CDH18: variants seen among roughly 807,000 people sequenced by gnomAD.
CDH18 encodes cadherin 18, also known as cadherin-18.
In CDH18, 31 loss-of-function variants were observed where a neutral mutation model predicts 67.9. The ratio of observed to expected loss-of-function variants is 0.46; its 90% CI spans 0.34 to 0.62. CDH18 has a LOEUF of 0.62. Ranked by LOEUF, CDH18 falls within the 20% of genes least tolerant of loss-of-function variation. The pLI is 0.01. For missense variants in CDH18, 890 were observed against 975.5 expected (o/e 0.91, Z 1.17); for synonymous variants, 362 against 347.2 (o/e 1.04, Z -0.48).
chr5:20,043,547 C>A (rs1207017333), intron 2 of CDH18, among the ~76,000 whole-genome samples: 1 of 152,184 alleles, frequency 6.6e-6, no homozygotes, highest in Non-Finnish European at 1.5e-5. Flanking sequence ...AACTATACAA[C>A]CTTTCATGGT....
rs565055001 is a variant in CDH18 at position 20,396,938 on chromosome 5, A to G, written c.-579-141433T>C. Among the ~76,000 whole-genome samples, 5 of 152,296 alleles carry G rather than the reference A, an allele frequency of 3.3e-5. No homozygotes were observed. In the East Asian group the frequency reaches 9.6e-4, roughly 29 times the overall value. ...ACTATCGGAATTAAAAAGTTATCCA[A>G]TATCTATGTGTGTGAGGTTGCCTAT... On this transcript the variant is annotated intron_variant, in intron 1 of 14. Coordinates refer to the CDH18 transcript ENST00000507958.
intron 1 of CDH18, among the ~76,000 whole-genome samples, chr5:20,550,738 A>G (rs1159044708): frequency 2.0e-5 from 3 of 152,168 alleles, no homozygotes; most frequent in Non-Finnish European, 2.9e-5. Context: ...TAGTCCATTT[A>G]GTGTTGCTAT....
chr5:20,394,309 A>G (rs1283518322), intron 1 of CDH18, among the ~76,000 whole-genome samples: 1 of 152,260 alleles, frequency 6.6e-6, no homozygotes, highest in East Asian at 1.9e-4. Flanking sequence ...TATACTGGGA[A>G]AAGGACACAC....
At chr5:19,600,605 A>G (rs576931201) in intron 6 of CDH18, among the ~76,000 whole-genome samples, 2 of 150,954 alleles carry the variant, frequency 1.3e-5, no homozygotes, top group African/African-American at 4.9e-5. Context: ...CTTTTTCTTG[A>G]AAAAAAGAAA....
At chr5:20,482,004 AC>A (rs1752840968) in intron 1 of CDH18, among the ~76,000 whole-genome samples, 1 of 151,984 alleles carries the variant, frequency 6.6e-6, no homozygotes, top group African/African-American at 2.4e-5. Flanking sequence ...GATCAATAAA[AC>A]AAAAATTTAT....
chr5:20,269,797 T>C (rs2126660087), intron 1 of CDH18, among the ~76,000 whole-genome samples: 1 of 152,208 alleles, frequency 6.6e-6, no homozygotes, highest in Non-Finnish European at 1.5e-5. Context: ...TGACAGATAC[T>C]CTAGAAGCCC....
intron 2 of CDH18, among the ~76,000 whole-genome samples, chr5:20,168,578 G>T (rs761305224): frequency 2.0e-5 from 3 of 152,086 alleles, no homozygotes; most frequent in Non-Finnish European, 4.4e-5. Flanking sequence ...AATATCCCAA[G>T]ATATAGGTTC....
At chr5:20,337,204 T>C (rs1212669522) in intron 1 of CDH18, among the ~76,000 whole-genome samples, 1 of 152,186 alleles carries the variant, frequency 6.6e-6, no homozygotes, top group African/African-American at 2.4e-5. Flanking sequence ...AGAGACATTT[T>C]CCCCCATTGT....
At chr5:19,901,707 T>G (rs1032270179) in intron 2 of CDH18, among the ~76,000 whole-genome samples, 5 of 152,020 alleles carry the variant, frequency 3.3e-5, no homozygotes, top group Admixed American at 3.3e-4. Context: ...ATGCAGATAT[T>G]TTTAAAATAA....
At chr5:20,002,743 T>A (rs765347110) in intron 2 of CDH18, among the ~76,000 whole-genome samples, 1 of 152,174 alleles carries the variant, frequency 6.6e-6, no homozygotes, top group Non-Finnish European at 1.5e-5. Flanking sequence ...GCTATTGAGA[T>A]TACCTACTTC....
intron 1 of CDH18, among the ~76,000 whole-genome samples, chr5:20,506,738 A>C (rs577931234): frequency 5.3e-4 from 80 of 152,344 alleles, no homozygotes; most frequent in African/African-American, 1.8e-3. Flanking sequence ...GTTACACAGC[A>C]ATGAATAACT....
intron 2 of CDH18, among the ~76,000 whole-genome samples, chr5:20,242,646 A>ATG (rs1743074834): frequency 7.2e-6 from 1 of 139,556 alleles, no homozygotes; most frequent in African/African-American, 2.8e-5. Flanking sequence ...ATATATATAT[A>ATG]TATATGTAAA....
intron 8 of CDH18, among the ~76,000 whole-genome samples, chr5:19,557,416 T>C (rs1738636121): frequency 6.6e-6 from 1 of 151,760 alleles, no homozygotes; most frequent in South Asian, 2.1e-4. Flanking sequence ...AGGACTAATA[T>C]ACTTAAAATA....
intron 1 of CDH18, among the ~76,000 whole-genome samples, chr5:20,353,415 A>T (rs1314131367): frequency 6.6e-6 from 1 of 152,244 alleles, no homozygotes; most frequent in Admixed American, 6.5e-5. Flanking sequence ...ATTAAAATAC[A>T]TTAATGAATT....
intron 1 of CDH18, among the ~76,000 whole-genome samples, chr5:20,465,425 G>C (rs1238857281): frequency 6.6e-6 from 1 of 151,914 alleles, no homozygotes; most frequent in African/African-American, 2.4e-5. Flanking sequence ...TAGTGATACA[G>C]AAAGTATTTT....
At chr5:20,133,296 C>A (rs1749424562) in intron 2 of CDH18, among the ~76,000 whole-genome samples, 1 of 152,042 alleles carries the variant, frequency 6.6e-6, no homozygotes, top group Non-Finnish European at 1.5e-5. Context: ...TGGCAGGAGG[C>A]AAAGGAAGAG....
chr5:19,630,483 T>C (rs1752267492), intron 5 of CDH18, among the ~76,000 whole-genome samples: 1 of 152,086 alleles, frequency 6.6e-6, no homozygotes, highest in Admixed American at 6.6e-5. Flanking sequence ...GGGGTGTGTG[T>C]GTGTGTGTGT....
chr5:19,895,218 T>G (rs1189339931), intron 2 of CDH18, among the ~76,000 whole-genome samples: 1 of 152,144 alleles, frequency 6.6e-6, no homozygotes, highest in Non-Finnish European at 1.5e-5. Flanking sequence ...AGAAGAAACT[T>G]GAGCTGAAAT....
At chr5:19,658,088 T>C (rs143803062) in intron 5 of CDH18, among the ~76,000 whole-genome samples, 155 of 151,562 alleles carry the variant, frequency 1.0e-3, no homozygotes, top group East Asian at 3.0e-3. Flanking sequence ...GATTTCTAAA[T>C]TAATATATGA....
Sources: allele counts gnomAD v4.1 joint callset (sites outside exome capture counted in the v4.1 genomes callset), GRCh38; gene constraint gnomAD v4.1.1; transcripts MANE v1.5; gene names NCBI Gene and HGNC (gene_info 2026-07-23, HGNC 2026-07-21).